Variants in XPC observed in about 807,000 individuals in gnomAD.
XPC encodes the protein XPC complex subunit, DNA damage recognition and repair factor, also known as DNA repair protein complementing XP-C cells.
XPC carries 76 observed loss-of-function variants against 95.8 expected under a neutral mutation model. The ratio of observed to expected loss-of-function variants is 0.79; its 90% CI spans 0.66 to 0.96. XPC has a LOEUF of 0.96. XPC is among the 40% of genes least tolerant of loss of function. The pLI is 0.00. For missense variants in XPC, 1,146 were observed against 1,179.8 expected, an observed-to-expected ratio of 0.97 and a Z score of 0.42; for synonymous variants, 442 against 442.1, an observed-to-expected ratio of 1.00 and a Z score of 0.00.
chr3:14,151,824 G>C (rs1336114495), intron 11 of XPC: 2 of 155,988 alleles, frequency 1.3e-5, no homozygotes, highest in Admixed American at 6.5e-5. Context: ...GCTCTGCTCT[G>C]CCATTTTACT....
Position 14,147,286 on chromosome 3 carries a change from T to G in XPC, c.2604+4A>C. 1.2e-6 allele frequency: 2 copies of G among 1,607,202 alleles called. No homozygotes were observed. Among genetic ancestry groups the G allele is most frequent in the Non-Finnish European group, 1.7e-6 (2 of 1,176,926 alleles). On this transcript the variant is annotated splice_donor_region_variant and intron_variant, in intron 15 of 15. Coordinates refer to ENST00000285021, the MANE Select transcript of XPC (RefSeq NM_004628.5). ...TGTCTTCTCTGCAAAGAACCTGCAC[T>G]GACCTTGGGCCCGTAGCGACGCTTC...
intron 5 of XPC, among the ~76,000 whole-genome samples, chr3:14,166,314 C>A (rs1477667908): frequency 1.3e-5 from 2 of 152,090 alleles, no homozygotes; most frequent in East Asian, 1.9e-4. Flanking sequence ...CAGCACCCAA[C>A]AAGAGGTGAA....
At chr3:14,160,184 T>G (rs745595322) in intron 7 of XPC, among the ~76,000 whole-genome samples, 27 of 152,238 alleles carry the variant, frequency 1.8e-4, no homozygotes, top group Non-Finnish European at 3.4e-4. Flanking sequence ...CATGCTTTTT[T>G]TCTCTGCTTA....
chr3:14,172,946 T>G lies in XPC; in HGVS notation c.220A>C (p.Lys74Gln). The G allele has an allele frequency of 6.2e-7, 1 of 1,614,052 alleles. No individual in the cohort carries two copies. The highest frequency in any genetic ancestry group is 8.5e-7 in the Non-Finnish European group (1 of 1,179,888). Residue 74 changes from lysine (K) to glutamine (Q), a missense_variant, in exon 2 of 16, where the codon AAA (lysine) becomes CAA (glutamine). Transcript: ENST00000285021. ...GATTTAACAGTCACCTTGGCCACTT[T>G]CTTTTTTGCTGGACCATCTGCTGAA... ...GGSADGPAKK[K>Q]VAKVTVKSEN...
At chr3:14,177,167 C>T (rs1228060668) in intron 1 of XPC, among the ~76,000 whole-genome samples, 3 of 152,130 alleles carry the variant, frequency 2.0e-5, no homozygotes, top group African/African-American at 7.2e-5. Context: ...ATTCAACCAA[C>T]CACAGATGAA....
At chr3:14,173,457 A>G (rs1696693415) in intron 1 of XPC, among the ~76,000 whole-genome samples, 1 of 152,260 alleles carries the variant, frequency 6.6e-6, no homozygotes, top group South Asian at 2.1e-4. Flanking sequence ...TAAAATGTTA[A>G]GTACATAAAC....
At chr3:14,160,106 T>C (rs1384867831) in intron 7 of XPC, among the ~76,000 whole-genome samples, 2 of 152,326 alleles carry the variant, frequency 1.3e-5, no homozygotes, top group South Asian at 2.1e-4. Context: ...AAGAAAAATA[T>C]GTATATATAA....
At position 14,157,952 on chromosome 3, in the gene XPC, A is replaced by C; in HGVS notation, c.1872+59T>G. The C allele has an allele frequency of 2.0e-6, 3 of 1,530,974 alleles. 1 individual carries two copies. In the South Asian group the frequency reaches 3.9e-5, roughly 20 times the overall value. 94.8% of individuals were successfully genotyped at this position (1,530,974 alleles called of 1,614,324 possible). A position where few individuals can be genotyped will look rare whatever the true frequency, so the allele number is the denominator to read the frequency against. On this transcript the variant is annotated intron_variant, in intron 9 of 15. Transcript: ENST00000285021. The stretch of plus-strand genomic sequence containing the variant: ...CTGGGCATATATAAGGTGCTCAAAA[A>C]CAGGAATAATTTTAATAACCTGACT...
At position 14,167,174 on chromosome 3, in the gene XPC, G is replaced by A; in HGVS notation, c.616C>T (p.His206Tyr). 1 of 1,602,394 alleles carries A rather than the reference G, an allele frequency of 6.2e-7. No individual in the cohort carries two copies. Among genetic ancestry groups the A allele is most frequent in the Non-Finnish European group, 8.5e-7 (1 of 1,173,680 alleles). ...CCATCATTCCTTGCCCTTACCTTGT[G>A]TGTGTCCTCATGGACCCCTTTATTG... ...RFNKGVHEDT[H>Y]KVHLLCLLAN... Residue 206 changes from histidine (H) to tyrosine (Y), a missense_variant, in exon 5 of 16, where the codon CAC becomes TAC. His to Tyr is a moderately conservative substitution (Grantham distance 83). Transcript: ENST00000285021.
In XPC at chr3:14,145,964, G is replaced by A. The variant is rs2125004516; in HGVS notation, c.2800C>T (p.Leu934=). Residue 934 remains leucine (L), a synonymous_variant, in exon 16 of 16, where the codon CTG becomes TTG. Coordinates refer to ENST00000285021, the MANE Select transcript of XPC (RefSeq NM_004628.5). The part of the protein sequence containing the change: ...KREKKAAASH[L]FPFEQL ...GCTCACAGCTGCTCAAATGGGAACA[G>A]GTGGGAAGCTGCTGCTTTCTTTTCC... The A allele has an allele frequency of 6.2e-7, 1 of 1,608,458 alleles. No individual in the cohort carries two copies. The highest frequency in any genetic ancestry group is 8.5e-7 in the Non-Finnish European group (1 of 1,175,842).
intron 8 of XPC, among the ~76,000 whole-genome samples, chr3:14,159,209 A>C (rs1044279584): frequency 6.6e-6 from 1 of 152,234 alleles, no homozygotes; most frequent in Non-Finnish European, 1.5e-5. Context: ...TAAATTAGGT[A>C]AATTACTTAA....
At position 14,167,264 on chromosome 3, in the gene XPC, T is replaced by C. The variant is rs369749575; in HGVS notation, c.537-11A>G. 20 of 1,607,172 alleles carry C rather than the reference T, an allele frequency of 1.2e-5. No individual in the cohort carries two copies. The highest frequency in any genetic ancestry group is 9.4e-5 in the African/African-American group (7 of 74,734). On this transcript the variant is annotated splice_polypyrimidine_tract_variant and intron_variant, in intron 4 of 15. Transcript: ENST00000285021. Reference sequence around the variant, plus strand: ...AGTTTTATCTTTTCACTGCAACAAATAGTGAAAAATCTGGGAATGAAGGGG... The same window carrying C: ...AGTTTTATCTTTTCACTGCAACAAACAGTGAAAAATCTGGGAATGAAGGGG...
At position 14,165,472 on chromosome 3, in the gene XPC, C is replaced by T. The variant is rs2125036708; in HGVS notation, c.735G>A (p.Leu245=). ...SIIPARFTRV[L]PRDVDTYYLS... ...GGTAGTAGGTGTCCACATCTCGAGGCAGCACTCTGGTAAAGCGGGCTGGGA... is the reference window on the plus strand; with the variant it reads ...GGTAGTAGGTGTCCACATCTCGAGGTAGCACTCTGGTAAAGCGGGCTGGGA... The change falls in exon 6 of 16, where the codon CTG becomes CTA. Residue 245 remains leucine, a synonymous_variant. Coordinates refer to ENST00000285021, the MANE Select transcript of XPC (RefSeq NM_004628.5). The T allele has an allele frequency of 6.2e-7, 1 of 1,604,312 alleles. No homozygotes were observed.
rs751882166 is a variant in XPC at position 14,158,495 on chromosome 3, C to A, written c.1388G>T (p.Gly463Val). 1.2e-6 allele frequency: 2 copies of A among 1,612,094 alleles called. No homozygotes were observed. The highest frequency in any genetic ancestry group is 2.2e-5 in the South Asian group (2 of 91,044). ...GGGGGCTTTCCTCTGCTTTGGAGGG[C>A]CAGGTTCGGAATCCTCATCAGAGGG... ...SDPSDEDSEPGPPKQRKAPAP... is the reference protein window; with the variant it reads ...SDPSDEDSEPVPPKQRKAPAP... Residue 463 changes from glycine (G) to valine (V), a missense_variant, in exon 9 of 16, where the codon GGC becomes GTC. Transcript: ENST00000285021. This position sits in a 1 kb window ranked among gnomAD's most constrained non-coding sequence, Gnocchi z 5.2.
At position 14,148,806 on chromosome 3, in the gene XPC, G is replaced by T. The variant is rs367562211; in HGVS notation, c.2250+8C>A. 1 of 1,613,826 alleles carries T rather than the reference G, an allele frequency of 6.2e-7. No individual in the cohort carries two copies. Among genetic ancestry groups the T allele is most frequent in the South Asian group, 1.1e-5 (1 of 91,088 alleles). The stretch of plus-strand genomic sequence containing the variant: ...CCTGGTCCTGAGCCCTTCTGATGCT[G>T]CCCTTACCTTCCCGTCCACGGCCAC... On this transcript the variant is annotated splice_region_variant and intron_variant, in intron 12 of 15. Transcript: ENST00000285021.
At chr3:14,166,131 A>T (rs1319431528) in intron 5 of XPC, among the ~76,000 whole-genome samples, 1 of 152,062 alleles carries the variant, frequency 6.6e-6, no homozygotes, top group African/African-American at 2.4e-5. Context: ...CCACCTACTG[A>T]AATGATTATA....
intron 4 of XPC, among the ~76,000 whole-genome samples, chr3:14,167,777 A>G (rs557079071): frequency 5.3e-5 from 8 of 152,282 alleles, no homozygotes; most frequent in Non-Finnish European, 8.8e-5. Flanking sequence ...TTCCCAAGCC[A>G]TCAGAGGCTG....
chr3:14,159,785 C>T lies in XPC; in HGVS notation c.946G>A (p.Val316Ile), dbSNP rs1192004983. ...LRALQLLTRL[V>I]LSLQPIPLKS... ...AGAGGAATTGGCTGTAGAGACAATA[C>T]CAGCCGGGTCAAGAGCTGCAGAGCC... The change falls in exon 8 of 16, where the codon GTA (valine) becomes ATA (isoleucine). Residue 316 changes from valine (V) to isoleucine (I), a missense_variant. Physicochemically the swap from Val to Ile is conservative, Grantham distance 29 (BLOSUM62 3). Coordinates refer to ENST00000285021, the MANE Select transcript of XPC (RefSeq NM_004628.5). 13 of 1,562,522 alleles carry T rather than the reference C, an allele frequency of 8.3e-6. No individual in the cohort carries two copies. Among genetic ancestry groups the T allele is most frequent in the Non-Finnish European group, 1.1e-5 (13 of 1,153,122 alleles).
intron 3 of XPC, among the ~76,000 whole-genome samples, 153 bp downstream of exon 3, chr3:14,170,285 A>T (rs1442543564): frequency 6.6e-6 from 1 of 152,212 alleles, no homozygotes; most frequent in East Asian, 1.9e-4. Flanking sequence ...TTTTCCATAT[A>T]TATCAAAGCA....
Sources: gnomAD v4.1 joint callset for allele counts (sites outside exome capture counted in the v4.1 genomes callset) on GRCh38, gnomAD v4.1.1 for gene constraint, Gnocchi (gnomAD v3.1) non-coding constraint, MANE v1.5 for transcripts, NCBI Gene and HGNC (gene_info 2026-07-23, HGNC 2026-07-21) for gene names.